Variants in PHLDB2 observed in about 807,000 individuals in gnomAD.
The protein encoded by PHLDB2 is pleckstrin homology like domain family B member 2.
In PHLDB2, 71 loss-of-function variants were observed where a neutral mutation model predicts 123.6. That is an observed-to-expected ratio of 0.57 (90% CI 0.47 to 0.70). The LOEUF is 0.70. PHLDB2 is among the 30% of genes least tolerant of loss of function. The pLI, the probability that PHLDB2 is intolerant of heterozygous loss-of-function variation, is 0.00. For synonymous variants in PHLDB2, 547 were observed against 541.6 expected (o/e 1.01, Z -0.14); for missense variants, 1,446 against 1,519.5 (o/e 0.95, Z 0.80).
intron 6 of PHLDB2, among the ~76,000 whole-genome samples, chr3:111,937,425 C>G (rs568954537): frequency 2.8e-4 from 43 of 152,250 alleles, no homozygotes; most frequent in African/African-American, 1.0e-3. Context: ...CTGTGAGCCA[C>G]AGAGCCCAGC....
rs2072473532 is a variant in PHLDB2 at position 111,976,187 on chromosome 3, G to A, written c.*1624G>A. ...AGGTGTTCTAATCCAATTGCATGATGTAGTAAGCCTCTTAAATATGTGTGT... is the reference window on the plus strand; with the variant it reads ...AGGTGTTCTAATCCAATTGCATGATATAGTAAGCCTCTTAAATATGTGTGT... On this transcript the variant is annotated 3_prime_UTR_variant, in exon 18 of 18. Coordinates refer to ENST00000431670, the MANE Select transcript of PHLDB2 (RefSeq NM_001134438.2). The A allele has an allele frequency of 6.6e-6, 1 of 152,436 alleles. No individual in the cohort carries two copies. Among genetic ancestry groups the A allele is most frequent in the Admixed American group, 6.5e-5 (1 of 15,286 alleles). The allele number at this position is 152,436 out of a possible 1,614,324, so 9.4% of individuals were successfully genotyped here. A position where few individuals can be genotyped will look rare whatever the true frequency, so the allele number is the denominator to read the frequency against.
chr3:111,769,964 T>C (rs1212114614), intron 1 of PHLDB2, among the ~76,000 whole-genome samples: 1 of 152,234 alleles, frequency 6.6e-6, no homozygotes, highest in Non-Finnish European at 1.5e-5. Context: ...ATAGAATCCA[T>C]TGTTGAATTT....
chr3:111,891,235 T>C (rs1474687352), intron 2 of PHLDB2, among the ~76,000 whole-genome samples: 1 of 152,200 alleles, frequency 6.6e-6, no homozygotes, highest in Non-Finnish European at 1.5e-5. Context: ...CAGTAGCGTT[T>C]GTGGCCTGTT....
intron 5 of PHLDB2, among the ~76,000 whole-genome samples, chr3:111,930,613 G>GA (rs146289644): frequency 5.3e-5 from 8 of 149,948 alleles, no homozygotes; most frequent in South Asian, 4.2e-4. Flanking sequence ...TTTTATTAAG[G>GA]AAAAAAAAAA....
At chr3:111,893,770 A>AG (rs1011064235) in intron 2 of PHLDB2, among the ~76,000 whole-genome samples, 2 of 151,168 alleles carry the variant, frequency 1.3e-5, no homozygotes, top group Non-Finnish European at 2.9e-5. Context: ...AAAAAAAAAA[A>AG]ATCCAGGTGA....
At chr3:111,913,928 G>C in intron 3 of PHLDB2, 4 of 559,354 alleles carry the variant, frequency 7.2e-6, no homozygotes, top group Non-Finnish European at 1.2e-5. Context: ...TAGAAAGAAA[G>C]CACATTTCTC....
At chr3:111,895,070 G>A (rs1299417830) in intron 2 of PHLDB2, among the ~76,000 whole-genome samples, 1 of 151,658 alleles carries the variant, frequency 6.6e-6, no homozygotes, top group African/African-American at 2.4e-5. Context: ...AAAAAAAACG[G>A]TTGTCATACC....
chr3:111,885,489 C>G (rs1240812119), intron 2 of PHLDB2, 77 bp downstream of exon 2: 2 of 1,562,122 alleles, frequency 1.3e-6, no homozygotes, highest in South Asian at 2.2e-5. Context: ...GAGATGGACT[C>G]CAGGATATGT....
chr3:111,868,164 C>T (rs2065172750), intron 1 of PHLDB2, among the ~76,000 whole-genome samples: 1 of 151,994 alleles, frequency 6.6e-6, no homozygotes, highest in Non-Finnish European at 1.5e-5. Context: ...GAAATACAGG[C>T]ATGCACCACC....
chr3:111,958,330 G>A (rs777741792), intron 12 of PHLDB2: 4 of 989,144 alleles, frequency 4.0e-6, no homozygotes, highest in Non-Finnish European at 4.8e-6. Flanking sequence ...TAGAAATACT[G>A]GTTAATTTTA....
chr3:111,813,348 AT>A (rs142891688), intron 1 of PHLDB2, among the ~76,000 whole-genome samples: 3 of 151,982 alleles, frequency 2.0e-5, no homozygotes, highest in South Asian at 4.1e-4. Flanking sequence ...AGGCTTAGAT[AT>A]TTTTTTTAAA....
intron 1 of PHLDB2, among the ~76,000 whole-genome samples, chr3:111,796,676 G>T (rs1453315530): frequency 6.6e-6 from 1 of 152,132 alleles, no homozygotes; most frequent in Non-Finnish European, 1.5e-5. Context: ...TGGGATTACA[G>T]GCATGCATCT....
intron 1 of PHLDB2, among the ~76,000 whole-genome samples, chr3:111,775,404 A>G (rs1488862191): frequency 6.6e-6 from 1 of 152,200 alleles, no homozygotes; most frequent in African/African-American, 2.4e-5. Flanking sequence ...ATACTTTAGA[A>G]AAACTGGTTA....
At chr3:111,859,773 AG>A in intron 1 of PHLDB2, 197 bp downstream of exon 1, 1 of 977,814 alleles carries the variant, frequency 1.0e-6, no homozygotes, top group Non-Finnish European at 1.2e-6. Context: ...GCGAGTCAGG[AG>A]GGGCCGGCGG....
chr3:111,759,374 T>C (rs1411231565), intron 1 of PHLDB2, among the ~76,000 whole-genome samples: 7 of 152,222 alleles, frequency 4.6e-5, no homozygotes, highest in African/African-American at 1.7e-4. Context: ...AGGGTACCAA[T>C]CCTATTCATG....
intron 1 of PHLDB2, among the ~76,000 whole-genome samples, chr3:111,870,828 G>A (rs1455448768): frequency 2.0e-5 from 3 of 152,144 alleles, no homozygotes; most frequent in Non-Finnish European, 1.5e-5. Flanking sequence ...GTAAACATCA[G>A]TGCTGAAAGA....
chr3:111,949,137 G>A (rs1453321269), intron 10 of PHLDB2, 62 bp downstream of exon 10: 2 of 1,579,902 alleles, frequency 1.3e-6, no homozygotes, highest in Non-Finnish European at 1.7e-6. Flanking sequence ...TTAACCCACG[G>A]CCAACTGAAA....
intron 1 of PHLDB2, among the ~76,000 whole-genome samples, chr3:111,780,328 GAAGAAGAAGAAGAAGAA>G: frequency 0.011 from 133 of 11,612 alleles, 22 homozygotes; most frequent in Non-Finnish European, 0.031. Context: ...AGAGGAAGAA[GAAGAAGAAGAAGAAGAA>G]GAAGAAGAAG....
intron 1 of PHLDB2, among the ~76,000 whole-genome samples, chr3:111,883,510 T>G (rs909336218): frequency 6.6e-6 from 1 of 152,356 alleles, no homozygotes; most frequent in Non-Finnish European, 1.5e-5. Flanking sequence ...TTAAGTCTTT[T>G]TGTTGAGAAG....
Sources: gnomAD v4.1 joint callset for allele counts (sites outside exome capture counted in the v4.1 genomes callset) on GRCh38, gnomAD v4.1.1 for gene constraint, MANE v1.5 for transcripts, NCBI Gene and HGNC (gene_info 2026-07-23, HGNC 2026-07-21) for gene names.